Variants in MTF1 observed in about 807,000 individuals in gnomAD.
The protein encoded by MTF1 is MRE-binding transcription factor.
A neutral mutation model predicts 70.4 loss-of-function variants in MTF1; 22 were observed. The ratio of observed to expected loss-of-function variants is 0.31; its 90% confidence interval spans 0.22 to 0.45. MTF1 has a LOEUF of 0.45. MTF1 is among the 20% of genes least tolerant of loss of function. The probability of loss-of-function intolerance (pLI) is 1.00; values close to 1 mark genes in which losing one functional copy is unlikely to be tolerated. For synonymous variants in MTF1, 333 were observed against 352.8 expected, an observed-to-expected ratio of 0.94 and a Z score of 0.63; for missense variants, 649 against 922.0, an observed-to-expected ratio of 0.70 and a Z score of 3.83.
chr1:37,858,015 TAAAAA>T (rs71053997), intron 1 of MTF1, among the ~76,000 whole-genome samples: 1 of 124,046 alleles, frequency 8.1e-6, no homozygotes, highest in Non-Finnish European at 1.6e-5. Flanking sequence ...CCATCTCTAA[TAAAAA>T]AAAAAAAAAA....
intron 2 of MTF1, among the ~76,000 whole-genome samples, chr1:37,853,590 C>A (rs1047978662): frequency 6.6e-6 from 1 of 152,224 alleles, no homozygotes; most frequent in Non-Finnish European, 1.5e-5. Context: ...GGACAACTGG[C>A]TATTCCCTGA....
chr1:37,842,909 G>A (rs968161785), intron 2 of MTF1, among the ~76,000 whole-genome samples: 4 of 152,164 alleles, frequency 2.6e-5, no homozygotes, highest in Admixed American at 6.5e-5. Context: ...TAGTTTCAGC[G>A]GACTACTGGG....
Position 37,840,023 on chromosome 1 carries a change from G to C in MTF1, c.544C>G (p.Leu182Val). 6.2e-7 allele frequency: 1 copy of C among 1,614,250 alleles called. No homozygotes were observed. Among genetic ancestry groups the C allele is most frequent in the Non-Finnish European group, 8.5e-7 (1 of 1,180,042 alleles). The change falls in exon 3 of 11, where the codon CTT becomes GTT. Residue 182 changes from leucine to valine, a missense_variant. This residue lies in a region of MTF1 where 118 missense variants were observed against 287.2 expected (regional missense o/e 0.41). Transcript: ENST00000373036. The surrounding 1 kb of genome is among the most constrained non-coding windows in gnomAD (Gnocchi z 4.5). ...TGGATCCTGAGGCTGTAAGAGGTAAGGAAGGCTTTGCCACAGCCCTCCTGA... is the reference window on the plus strand; with the variant it reads ...TGGATCCTGAGGCTGTAAGAGGTAACGAAGGCTTTGCCACAGCCCTCCTGA... The part of the protein sequence containing the change: ...CNQEGCGKAF[L>V]TSYSLRIHVR...
At chr1:37,848,848 A>G (rs1040220751) in intron 2 of MTF1, among the ~76,000 whole-genome samples, 1 of 152,208 alleles carries the variant, frequency 6.6e-6, no homozygotes, top group Non-Finnish European at 1.5e-5. Flanking sequence ...GTATGCAAAG[A>G]CTAAAAAGTC....
chr1:37,848,658 AC>A (rs1641368771), intron 2 of MTF1, among the ~76,000 whole-genome samples: 1 of 152,174 alleles, frequency 6.6e-6, no homozygotes, highest in Non-Finnish European at 1.5e-5. Flanking sequence ...AGGCCAGTGG[AC>A]CTGAGTGATG....
Position 37,829,782 on chromosome 1 carries a change from C to T in MTF1, c.1068+2463G>A, listed in dbSNP as rs1377357263. On this transcript the variant is annotated intron_variant, in intron 7 of 10. Coordinates refer to ENST00000373036, the MANE Select transcript of MTF1 (RefSeq NM_005955.3). The stretch of plus-strand genomic sequence containing the variant: ...CCTGGGCGACAGAGCGAGACTCTGT[C>T]TCAAAAAAAAAAAAAGAAAAAAGAA... Among the ~76,000 whole-genome samples the T allele has an allele frequency of 4.7e-5, 7 of 148,286 alleles. No homozygotes were observed. The South Asian group carries it at 6.4e-4, about 14-fold the overall frequency.
intron 9 of MTF1, among the ~76,000 whole-genome samples, chr1:37,819,625 C>G (rs1640879189): frequency 6.6e-6 from 1 of 151,818 alleles, no homozygotes; most frequent in Non-Finnish European, 1.5e-5. Context: ...AAAGTGAAAG[C>G]TTCTGGCTAC....
Position 37,822,417 on chromosome 1 carries a change from C to T in MTF1, c.1471G>A (p.Ala491Thr), listed in dbSNP as rs1239183699. 3.1e-6 allele frequency: 5 copies of T among 1,614,112 alleles called. No homozygotes were observed. The highest frequency in any genetic ancestry group is 2.5e-6 in the Non-Finnish European group (3 of 1,180,022). The change falls in exon 9 of 11, where the codon GCA (alanine) becomes ACA (threonine). Residue 491 changes from alanine to threonine, a missense_variant. Around this residue, in one of 7 missense-constraint regions of MTF1, gnomAD observed 267 missense variants for 292.1 expected, o/e 0.91. Coordinates refer to ENST00000373036, the MANE Select transcript of MTF1 (RefSeq NM_005955.3). The part of the protein sequence containing the change: ...NHQEFLPHPQ[A>T]PQPIVPGLSV... Reference sequence around the variant, plus strand: ...AGTCCTGGTACAATGGGCTGCGGTGCCTGGGGGTGCGGAAGAAACTCTTGA... The same window carrying T: ...AGTCCTGGTACAATGGGCTGCGGTGTCTGGGGGTGCGGAAGAAACTCTTGA...
intron 1 of MTF1, 35 bp from the exon 2 acceptor site, chr1:37,857,744 C>T (rs1641520765): frequency 7.2e-7 from 1 of 1,379,752 alleles, no homozygotes; most frequent in Non-Finnish European, 1.0e-6. Context: ...AGAGTCATAC[C>T]ACAAGACCGA....
intron 2 of MTF1, among the ~76,000 whole-genome samples, chr1:37,854,478 T>A (rs941991141): frequency 1.3e-5 from 2 of 152,156 alleles, no homozygotes; most frequent in African/African-American, 4.8e-5. Context: ...TGTAAAACAT[T>A]TAACAATGTC....
chr1:37,837,084 A>G (rs913900021), intron 4 of MTF1, among the ~76,000 whole-genome samples: 1 of 152,066 alleles, frequency 6.6e-6, no homozygotes, highest in African/African-American at 2.4e-5. Flanking sequence ...TTTCTGAGAC[A>G]TGGTCTCTCT....
At chr1:37,827,356 T>C (rs1641018467) in intron 7 of MTF1, among the ~76,000 whole-genome samples, 2 of 149,376 alleles carry the variant, frequency 1.3e-5, no homozygotes, top group Admixed American at 6.7e-5. Context: ...TTATTATTAT[T>C]ATTATTATTA....
At chr1:37,844,368 A>G (rs539856892) in intron 2 of MTF1, among the ~76,000 whole-genome samples, 1 of 152,262 alleles carries the variant, frequency 6.6e-6, no homozygotes, top group East Asian at 1.9e-4. Context: ...CTTTAACGCG[A>G]GCCTCAGGAA....
At chr1:37,841,554 G>T in intron 2 of MTF1, 1 of 183,326 alleles carries the variant, frequency 5.5e-6, no homozygotes, top group South Asian at 1.3e-4. Context: ...ATAGCTACCT[G>T]ACCCCTGATC....
At position 37,815,327 on chromosome 1, in the gene MTF1, A is replaced by G; in HGVS notation, c.2071T>C (p.Leu691=). ...APVPGSSSST[L]PSSCEQSRQA... is the part of the protein sequence containing the mutation. The stretch of plus-strand genomic sequence containing the variant: ...CGGCTTTGCTCACAGGAGGAGGGCA[A>G]GGTAGAGGATGATGACCCGGGAACA... The change falls in exon 11 of 11, where the codon TTG becomes CTG. Residue 691 remains leucine, a synonymous_variant. Transcript: ENST00000373036. This position sits in a 1 kb window ranked among gnomAD's most constrained non-coding sequence, Gnocchi z 4.5. 14 of 1,614,114 alleles carry G rather than the reference A, an allele frequency of 8.7e-6. No individual in the cohort carries two copies. The highest frequency in any genetic ancestry group is 1.2e-5 in the Non-Finnish European group (14 of 1,180,042).
At chr1:37,822,824 G>C in intron 8 of MTF1, 108 bp from the exon 9 acceptor site, 1 of 725,262 alleles carries the variant, frequency 1.4e-6, no homozygotes, top group East Asian at 2.7e-5. Context: ...CCACTGAGCT[G>C]ATCTCTTCAT....
intron 9 of MTF1, among the ~76,000 whole-genome samples, chr1:37,818,669 A>G (rs986628148): frequency 1.4e-5 from 2 of 142,122 alleles, no homozygotes; most frequent in African/African-American, 5.3e-5. Context: ...GCGCCACTGC[A>G]CTCCAGCCTA....
rs963922300 is a variant in MTF1, at chr1:37,842,074, A to T, written c.409-1916T>A. Among the ~76,000 whole-genome samples, 7 of 152,022 alleles carry T rather than the reference A, an allele frequency of 4.6e-5. No homozygotes were observed. In the South Asian group the frequency reaches 1.5e-3, roughly 32 times the overall value. ...GGGGAAAAAAAACTAGATAAACAAT[A>T]ATAGAAATAAAAATATTAATAAAGA... On this transcript the variant is annotated intron_variant, in intron 2 of 10. Coordinates refer to ENST00000373036, the MANE Select transcript of MTF1 (RefSeq NM_005955.3).
intron 2 of MTF1, among the ~76,000 whole-genome samples, chr1:37,855,511 T>C (rs547311782): frequency 6.6e-6 from 1 of 152,190 alleles, no homozygotes; most frequent in African/African-American, 2.4e-5. Context: ...AAAAGTGATA[T>C]GCCATCAATA....
Sources: allele counts gnomAD v4.1 joint callset (sites outside exome capture counted in the v4.1 genomes callset), GRCh38; gene constraint gnomAD v4.1.1; regional missense constraint gnomAD v4.1.1; non-coding constraint Gnocchi (gnomAD v3.1); transcripts MANE v1.5; gene names NCBI Gene and HGNC (gene_info 2026-07-23, HGNC 2026-07-21).